The following AKNA variants were observed in gnomAD, a reference collection of about 807,000 sequenced individuals.
AKNA encodes microtubule organization protein AKNA.
In AKNA, 67 loss-of-function variants were observed where a neutral mutation model predicts 138.8. That is an observed-to-expected ratio of 0.48 (90% confidence interval 0.40 to 0.59). The LOEUF (loss-of-function observed/expected upper bound fraction) is 0.59. AKNA is among the 20% of genes least tolerant of loss of function. AKNA has a pLI of 0.00. For missense variants in AKNA, 1,813 were observed against 1,880.4 expected, an observed-to-expected ratio of 0.96 and a Z score of 0.66; for synonymous variants, 737 against 754.4, an observed-to-expected ratio of 0.98 and a Z score of 0.38.
intron 15 of AKNA, 103 bp from the exon 16 acceptor site, chr9:114,348,003 A>G: frequency 7.8e-7 from 1 of 1,276,206 alleles, no homozygotes; most frequent in South Asian, 1.4e-5. Flanking sequence ...CCTTCACAGC[A>G]GGCACAGGGT....
chr9:114,394,703 G>C (rs1834474903), upstream of AKNA, among the ~76,000 whole-genome samples: 1 of 152,216 alleles, frequency 6.6e-6, no homozygotes, highest in Non-Finnish European at 1.5e-5. Flanking sequence ...GAAAGGTTCA[G>C]AGAGGTTACA....
rs976379042 is a variant in AKNA at position 114,347,823 on chromosome 9, T to C, written c.3299A>G (p.Gln1100Arg). 1 of 1,550,798 alleles carries C rather than the reference T, an allele frequency of 6.4e-7. No homozygotes were observed. The highest frequency in any genetic ancestry group is 8.7e-7 in the Non-Finnish European group (1 of 1,147,250). ...AGATGCTGGGCGTGTCGGGCTGCCC[T>C]GGAGTGGCTGGTGCAGGCTGTCTTC... The part of the protein sequence containing the change: ...RLEDSLHQPL[Q>R]GSPTRPASAF... The change falls in exon 16 of 22, where the codon CAG (glutamine) becomes CGG (arginine). Residue 1100 changes from glutamine to arginine, a missense_variant. Coordinates refer to ENST00000374088, the MANE Select transcript of AKNA (RefSeq NM_001317950.2).
At chr9:114,362,045 G>T in intron 8 of AKNA, 134 bp from the exon 9 acceptor site, 1 of 922,430 alleles carries the variant, frequency 1.1e-6, no homozygotes, top group Non-Finnish European at 1.6e-6. Flanking sequence ...TTTAGATGAT[G>T]GTGAGAACTC....
chr9:114,338,841 C>G (rs1010034977), intron 21 of AKNA, among the ~76,000 whole-genome samples: 4 of 152,204 alleles, frequency 2.6e-5, no homozygotes, highest in African/African-American at 9.7e-5. Flanking sequence ...CTCCTAAGAC[C>G]CAGAGTCAGA....
Position 114,341,637 on chromosome 9 carries a change from T to G in AKNA, c.3963A>C (p.Pro1321=). The G allele has an allele frequency of 6.2e-7, 1 of 1,609,822 alleles. No individual in the cohort carries two copies. Among genetic ancestry groups the G allele is most frequent in the Non-Finnish European group, 8.5e-7 (1 of 1,178,558 alleles). The change falls in exon 21 of 22, where the codon CCA becomes CCC. Residue 1321 remains proline, a synonymous_variant. Transcript: ENST00000374088. ...TTGCCAGATACCACAGTCCGGGGGG[T>G]GGGCGTGGCGACGACCCCGCCTGCT... ...RSKQAGSSPR[P]PPGLWYLATA...
At chr9:114,387,343 C>T (rs1834110432) in intron 1 of AKNA, among the ~76,000 whole-genome samples, 1 of 152,226 alleles carries the variant, frequency 6.6e-6, no homozygotes, top group Non-Finnish European at 1.5e-5. Context: ...AAACGGTGCC[C>T]TGGCTGTTGC....
chr9:114,394,956 G>A (rs913839759), upstream of AKNA, among the ~76,000 whole-genome samples: 1 of 152,238 alleles, frequency 6.6e-6, no homozygotes, highest in African/African-American at 2.4e-5. Context: ...CTGGCAGTGG[G>A]GGGGCTGGGG....
upstream of AKNA, among the ~76,000 whole-genome samples, chr9:114,391,732 C>T (rs1054166679): frequency 1.3e-5 from 2 of 151,756 alleles, no homozygotes; most frequent in Non-Finnish European, 2.9e-5. Flanking sequence ...GCCTGTAATC[C>T]TCCCTGTAAT....
intron 2 of AKNA, among the ~76,000 whole-genome samples, chr9:114,378,766 CCATT>C (rs1833425214): frequency 6.6e-6 from 1 of 152,210 alleles, no homozygotes; most frequent in East Asian, 1.9e-4. Flanking sequence ...ACCCACCTGT[CCATT>C]CATCCATGCA....
chr9:114,376,956 G>A lies in AKNA; in HGVS notation c.851C>T (p.Thr284Met), dbSNP rs369748755. 34 of 1,614,106 alleles carry A rather than the reference G, an allele frequency of 2.1e-5. No individual in the cohort carries two copies. Among genetic ancestry groups the A allele is most frequent in the South Asian group, 1.2e-4 (11 of 91,096 alleles). ...QHATDRWRRE[T>M]TRFFCPQPKE... ...GGGCTGAGGGCAGAAGAATCTGGTC[G>A]TTTCTCTCCTCCATCTATCTGTGGC... The change falls in exon 3 of 22, where the codon ACG becomes ATG. Residue 284 changes from threonine (T) to methionine (M), a missense_variant. Thr to Met is a moderately conservative substitution (Grantham distance 81). Transcript: ENST00000374088.
At position 114,356,944 on chromosome 9, in the gene AKNA, G is replaced by A. The variant is rs757603741; in HGVS notation, c.2765C>T (p.Thr922Ile). The A allele has an allele frequency of 6.3e-7, 1 of 1,582,362 alleles. No homozygotes were observed. Among genetic ancestry groups the A allele is most frequent in the Non-Finnish European group, 8.6e-7 (1 of 1,167,144 alleles). ...LEETWMASPE[T>I]DSGFVGSETS... ...TTCTGAGCCCACAAAGCCACTGTCT[G>A]TCTCTGGGGACGCCATCCAGGTCTC... Residue 922 changes from threonine (T) to isoleucine (I), a missense_variant, in exon 13 of 22, where the codon ACA becomes ATA. Physicochemically the swap from Thr to Ile is moderately conservative, Grantham distance 89 (BLOSUM62 -1). Coordinates refer to ENST00000374088, the MANE Select transcript of AKNA (RefSeq NM_001317950.2).
At chr9:114,377,810 G>T (rs1833354634) in intron 2 of AKNA, among the ~76,000 whole-genome samples, 1 of 152,140 alleles carries the variant, frequency 6.6e-6, no homozygotes, top group Admixed American at 6.5e-5. Context: ...TATGCATACA[G>T]GCCAGAAGGC....
chr9:114,350,929 C>T lies in AKNA; in HGVS notation c.3151G>A (p.Ala1051Thr). 2 of 1,610,808 alleles carry T rather than the reference C, an allele frequency of 1.2e-6. No individual in the cohort carries two copies. The highest frequency in any genetic ancestry group is 1.7e-6 in the Non-Finnish European group (2 of 1,178,796). The change falls in exon 15 of 22, where the codon GCC becomes ACC. Residue 1051 changes from alanine to threonine, a missense_variant. Coordinates refer to ENST00000374088, the MANE Select transcript of AKNA (RefSeq NM_001317950.2). ...GGTCCACAGGGTAGAGGCGCAGCGGCAGGGGCGGGGGCTGGGGGTGGGCTG... is the reference window on the plus strand; with the variant it reads ...GGTCCACAGGGTAGAGGCGCAGCGGTAGGGGCGGGGGCTGGGGGTGGGCTG... ...TISPPPAPAP[A>T]AAPLPCGPTE...
chr9:114,366,048 G>A (rs1406667062), intron 6 of AKNA, among the ~76,000 whole-genome samples: 1 of 152,210 alleles, frequency 6.6e-6, no homozygotes, highest in Non-Finnish European at 1.5e-5. Context: ...GGAGGCCGAG[G>A]CAGGCATATC....
chr9:114,357,836 C>T, intron 12 of AKNA, 85 bp downstream of exon 12: 1 of 1,562,334 alleles, frequency 6.4e-7, no homozygotes, highest in Non-Finnish European at 8.6e-7. Flanking sequence ...AGGAATAGCA[C>T]AAGGAAAGAC....
chr9:114,390,540 C>A (rs78518085), upstream of AKNA, among the ~76,000 whole-genome samples: 1 of 152,206 alleles, frequency 6.6e-6, no homozygotes, highest in Non-Finnish European at 1.5e-5. Flanking sequence ...GTCCCTGGAT[C>A]GGCCTTGCCT....
chr9:114,355,862 C>A lies in AKNA; in HGVS notation c.3058+63G>T, dbSNP rs925980605. On this transcript the variant is annotated intron_variant, in intron 14 of 21. Transcript: ENST00000374088. Reference sequence around the variant, plus strand: ...ATATGTCATATCCTAAAGGGTTCTGCAAGTTTTTCTATTTGATTTTTCAAC... The same window carrying A: ...ATATGTCATATCCTAAAGGGTTCTGAAAGTTTTTCTATTTGATTTTTCAAC... 5 of 1,536,240 alleles carry A rather than the reference C, an allele frequency of 3.3e-6. No individual in the cohort carries two copies. In the African/African-American group the frequency reaches 4.1e-5, roughly 13 times the overall value.
chr9:114,368,665 T>C, intron 4 of AKNA, 70 bp from the exon 5 acceptor site: 2 of 1,243,106 alleles, frequency 1.6e-6, no homozygotes, highest in Non-Finnish European at 2.1e-6. Context: ...CGCCTCATCT[T>C]CATTCAGGAG....
chr9:114,341,857 G>A (rs1830378569), intron 20 of AKNA, 132 bp from the exon 21 acceptor site: 14 of 1,315,020 alleles, frequency 1.1e-5, no homozygotes, highest in Non-Finnish European at 1.3e-5. Context: ...CCATGTCGGG[G>A]AGGTCTCTCT....
Sources: gnomAD v4.1 joint callset for allele counts (sites outside exome capture counted in the v4.1 genomes callset) on GRCh38, gnomAD v4.1.1 for gene constraint, MANE v1.5 for transcripts, NCBI Gene and HGNC (gene_info 2026-07-23, HGNC 2026-07-21) for gene names.